MPP7: variants seen among roughly 807,000 people sequenced by gnomAD.
MPP7 encodes the protein MAGUK p55 scaffold protein 7.
In MPP7, 60 loss-of-function variants were observed where a neutral mutation model predicts 76.5. That is an observed-to-expected ratio of 0.78 (90% CI 0.64 to 0.97). The LOEUF (loss-of-function observed/expected upper bound fraction) is 0.97. Among genes scored for constraint, MPP7 ranks in the 50% least tolerant of loss-of-function variants. The pLI is 0.00. For missense variants in MPP7, 641 were observed against 694.0 expected (o/e 0.92, Z 0.86); for synonymous variants, 237 against 244.5 (o/e 0.97, Z 0.29).
At chr10:28,304,456 G>A (rs1173314484), upstream of MPP7, among the ~76,000 whole-genome samples, 1 of 152,158 alleles carries the variant, frequency 6.6e-6, no homozygotes, top group East Asian at 1.9e-4. Context: ...AGAGAAGTAA[G>A]GGCAAAACAC....
chr10:28,231,897 C>T (rs571584453), intron 2 of MPP7, among the ~76,000 whole-genome samples: 47 of 152,116 alleles, frequency 3.1e-4, no homozygotes, highest in African/African-American at 9.6e-4. Flanking sequence ...TTTTGAAATT[C>T]GGTAAAGAAT....
intron 13 of MPP7, among the ~76,000 whole-genome samples, chr10:28,063,131 A>AACTCTCAAAACTCAGTCACGAGACAAAC (rs1851858202): frequency 6.6e-6 from 1 of 152,164 alleles, no homozygotes. Context: ...GTATGTAAAG[A>AACTCTCAAAACTCAGTCACGAGACAAAC]ACTCTCAAAA....
At chr10:28,116,602 G>A (rs150060981) in intron 11 of MPP7, among the ~76,000 whole-genome samples, 10 of 152,212 alleles carry the variant, frequency 6.6e-5, no homozygotes, top group Non-Finnish European at 1.0e-4. Context: ...AGATGATGGA[G>A]AGGGAGGGAA....
intron 1 of MPP7, among the ~76,000 whole-genome samples, chr10:28,258,230 G>T (rs1839846839): frequency 6.7e-6 from 1 of 148,536 alleles, no homozygotes. Flanking sequence ...TAGAGTCAAG[G>T]TGAGACCACC....
chr10:28,228,804 C>T (rs1425786836), intron 2 of MPP7, among the ~76,000 whole-genome samples: 2 of 151,866 alleles, frequency 1.3e-5, no homozygotes, highest in Non-Finnish European at 2.9e-5. Flanking sequence ...TAAGCAGTTG[C>T]TTCTTATAAA....
At chr10:28,302,599 C>A (rs986929803) in intron 1 of MPP7, among the ~76,000 whole-genome samples, 7 of 152,056 alleles carry the variant, frequency 4.6e-5, no homozygotes, top group Non-Finnish European at 8.8e-5. Context: ...CCCGGAGTCC[C>A]GCGCGTCAAC....
intron 1 of MPP7, among the ~76,000 whole-genome samples, chr10:28,273,382 A>G (rs983789702): frequency 6.6e-6 from 1 of 152,242 alleles, no homozygotes; most frequent in African/African-American, 2.4e-5. Flanking sequence ...CTAGAAAAAG[A>G]ACACAGCCTA....
At chr10:28,298,064 C>T (rs1419375585) in intron 1 of MPP7, among the ~76,000 whole-genome samples, 1 of 152,240 alleles carries the variant, frequency 6.6e-6, no homozygotes, top group Non-Finnish European at 1.5e-5. Context: ...ACCACATCTG[C>T]AGGTACTTCT....
At chr10:28,270,517 C>CT (rs1243905994) in intron 1 of MPP7, among the ~76,000 whole-genome samples, 2 of 98,574 alleles carry the variant, frequency 2.0e-5, no homozygotes, top group Non-Finnish European at 3.6e-5. Flanking sequence ...AAGACTATCT[C>CT]TTTAAAAAAA....
At chr10:28,227,537 GCTCCCA>G (rs1838736955) in intron 2 of MPP7, among the ~76,000 whole-genome samples, 1 of 151,732 alleles carries the variant, frequency 6.6e-6, no homozygotes, top group South Asian at 2.1e-4. Flanking sequence ...TCATTGTTCA[GCTCCCA>G]CTTACAAGAG....
intron 3 of MPP7, among the ~76,000 whole-genome samples, chr10:28,183,198 A>G (rs1837116250): frequency 6.6e-6 from 1 of 152,248 alleles, no homozygotes; most frequent in African/African-American, 2.4e-5. Context: ...ATACAAACTC[A>G]AGATGAAGGT....
At chr10:28,192,510 A>G (rs973125913) in intron 3 of MPP7, among the ~76,000 whole-genome samples, 2 of 152,046 alleles carry the variant, frequency 1.3e-5, no homozygotes, top group Non-Finnish European at 2.9e-5. Flanking sequence ...ATATAATACC[A>G]CTCCAAAGCC....
At chr10:28,215,399 C>T (rs75233901) in intron 2 of MPP7, among the ~76,000 whole-genome samples, 1,829 of 151,866 alleles carry the variant, frequency 0.012, 39 homozygotes, top group African/African-American at 0.042. Context: ...AGCCAGATAT[C>T]GATAATCATG....
intron 3 of MPP7, among the ~76,000 whole-genome samples, chr10:28,192,965 T>C (rs1010921871): frequency 6.6e-6 from 1 of 152,122 alleles, no homozygotes; most frequent in Non-Finnish European, 1.5e-5. Context: ...CCCACAGATA[T>C]AGAAGCTAAT....
chr10:28,191,658 C>G (rs1236521087), intron 3 of MPP7, among the ~76,000 whole-genome samples: 1 of 152,192 alleles, frequency 6.6e-6, no homozygotes, highest in Non-Finnish European at 1.5e-5. Context: ...ATCTAAAACA[C>G]TTCTTTCAGA....
At chr10:28,070,393 C>T (rs1852189434) in intron 12 of MPP7, among the ~76,000 whole-genome samples, 1 of 151,978 alleles carries the variant, frequency 6.6e-6, no homozygotes, top group Admixed American at 6.5e-5. Flanking sequence ...AGTGAGACTC[C>T]TCAAAAAAAG....
intron 11 of MPP7, among the ~76,000 whole-genome samples, chr10:28,108,579 C>G (rs150767234): frequency 0.019 from 2,941 of 152,052 alleles, 41 homozygotes; most frequent in Non-Finnish European, 0.028. Context: ...ATGGTTTGAG[C>G]CTGGGAGGCG....
At chr10:28,062,368 TAC>T (rs1851821118) in intron 13 of MPP7, among the ~76,000 whole-genome samples, 1 of 151,750 alleles carries the variant, frequency 6.6e-6, no homozygotes, top group African/African-American at 2.4e-5. Context: ...AATCCAGAGA[TAC>T]CACCAGAGAG....
At chr10:28,246,178 C>T (rs1839428559) in intron 1 of MPP7, among the ~76,000 whole-genome samples, 1 of 151,956 alleles carries the variant, frequency 6.6e-6, no homozygotes, top group Non-Finnish European at 1.5e-5. Flanking sequence ...TGTCAAAAGT[C>T]ACAGAGAGAA....
Sources: allele counts gnomAD v4.1 joint callset (sites outside exome capture counted in the v4.1 genomes callset), GRCh38; gene constraint gnomAD v4.1.1; transcripts MANE v1.5; gene names NCBI Gene and HGNC (gene_info 2026-07-23, HGNC 2026-07-21).